The following CHD9 variants were observed in gnomAD, a reference collection of about 807,000 sequenced individuals.
The protein encoded by CHD9 is ATP-dependent chromatin remodeler CHD9.
CHD9 carries 77 observed loss-of-function variants against 316.1 expected under a neutral mutation model. That is an observed-to-expected ratio of 0.24 (90% confidence interval 0.20 to 0.29). The LOEUF is 0.29. CHD9 is among the 10% of genes least tolerant of loss of function. The probability of loss-of-function intolerance (pLI) is 1.00; values close to 1 mark genes in which losing one functional copy is unlikely to be tolerated. For missense variants in CHD9, 2,763 were observed against 3,438.1 expected (o/e 0.80, Z 4.91); for synonymous variants, 1,129 against 1,158.3 (o/e 0.97, Z 0.51).
chr16:53,125,322 C>G (rs957362026), intron 1 of CHD9, among the ~76,000 whole-genome samples: 1 of 144,750 alleles, frequency 6.9e-6, no homozygotes, highest in Non-Finnish European at 1.5e-5. Flanking sequence ...CTCCTGGGTT[C>G]AAGCAATTCC....
rs189369451 is a variant in CHD9, at chr16:53,281,498, A to G, written c.4968-4098A>G. Among the ~76,000 whole-genome samples, 424 of 152,110 alleles carry G rather than the reference A, an allele frequency of 2.8e-3. 7 individuals carry two copies. The highest frequency in any genetic ancestry group is 1.2e-3 in the Non-Finnish European group (82 of 67,990). On this transcript the variant is annotated intron_variant, in intron 24 of 38. Coordinates refer to ENST00000447540, the MANE Select transcript of CHD9 (RefSeq NM_001308319.2). ...CTCGTAACTGATTCTGTTTTCCTCC[A>G]CTTTTGCCTCTCTAGGCCTGTCCTT...
chr16:53,176,358 C>T (rs528540471), intron 2 of CHD9, among the ~76,000 whole-genome samples: 2 of 152,318 alleles, frequency 1.3e-5, no homozygotes, highest in South Asian at 4.1e-4. Context: ...TATAAGGACC[C>T]TAGTGATTAC....
chr16:53,150,453 C>T (rs1387744203), intron 1 of CHD9, among the ~76,000 whole-genome samples: 1 of 152,108 alleles, frequency 6.6e-6, no homozygotes, highest in Non-Finnish European at 1.5e-5. Context: ...TGCTTGTTAA[C>T]AGAAATTTAA....
intron 3 of CHD9, among the ~76,000 whole-genome samples, chr16:53,217,912 T>TTC (rs1491517038): frequency 6.9e-6 from 1 of 144,204 alleles, no homozygotes; most frequent in Non-Finnish European, 1.5e-5. Flanking sequence ...GCTTATACTC[T>TTC]TTTCTTTCTT....
intron 29 of CHD9, among the ~76,000 whole-genome samples, chr16:53,296,692 G>A (rs1004999370): frequency 4.0e-5 from 6 of 151,772 alleles, no homozygotes; most frequent in African/African-American, 1.5e-4. Context: ...CGATCCGCCC[G>A]CCTCGGCCTC....
chr16:53,308,898 G>T (rs371366699), intron 34 of CHD9, 44 bp downstream of exon 34: 1 of 1,486,444 alleles, frequency 6.7e-7, no homozygotes, highest in Non-Finnish European at 9.2e-7. Flanking sequence ...AATATTTTCT[G>T]TCATGTCCAA....
intron 1 of CHD9, among the ~76,000 whole-genome samples, chr16:53,068,005 GC>G (rs1347882845): frequency 3.3e-5 from 5 of 152,156 alleles, no homozygotes; most frequent in Admixed American, 6.6e-5. Context: ...TCTGCAGTGA[GC>G]TAAGATTGTG....
chr16:53,174,633 G>A (rs1351791927), intron 2 of CHD9, among the ~76,000 whole-genome samples: 1 of 152,018 alleles, frequency 6.6e-6, no homozygotes, highest in Non-Finnish European at 1.5e-5. Context: ...TTTTAAGACA[G>A]AGCCTCACTC....
chr16:53,321,961 A>G (rs1214709015), intron 38 of CHD9, among the ~76,000 whole-genome samples: 3 of 151,210 alleles, frequency 2.0e-5, no homozygotes, highest in African/African-American at 7.3e-5. Context: ...GTTCATTAAG[A>G]TTCTGGAAAA....
chr16:53,157,428 C>G lies in CHD9; in HGVS notation c.1339C>G (p.Arg447Gly), dbSNP rs776428622. The change falls in exon 2 of 39, where the codon CGG (arginine) becomes GGG (glycine). Residue 447 changes from arginine (R) to glycine (G), a missense_variant. By Grantham distance (125) the Arg-to-Gly change is moderately radical. Transcript: ENST00000447540. ...DRQFTSHLVTRPSDMAQTQLQ... is the reference protein window; with the variant it reads ...DRQFTSHLVTGPSDMAQTQLQ... Reference sequence around the variant, plus strand: ...GCAGTTTACTTCGCATCTGGTAACACGGCCTTCTGATATGGCTCAGACTCA... The same window carrying G: ...GCAGTTTACTTCGCATCTGGTAACAGGGCCTTCTGATATGGCTCAGACTCA... 1.9e-6 allele frequency: 3 copies of G among 1,613,950 alleles called. No individual in the cohort carries two copies. The South Asian group carries it at 3.3e-5, about 18-fold the overall frequency.
At chr16:53,235,871 AT>A (rs369241802) in intron 11 of CHD9, among the ~76,000 whole-genome samples, 29 of 152,328 alleles carry the variant, frequency 1.9e-4, no homozygotes, top group African/African-American at 5.5e-4. Context: ...AAGTAAAAAA[AT>A]GTTACTGCGA....
At chr16:53,062,594 T>G (rs1273022131) in intron 1 of CHD9, among the ~76,000 whole-genome samples, 1 of 151,564 alleles carries the variant, frequency 6.6e-6, no homozygotes, top group Non-Finnish European at 1.5e-5. Context: ...ATTTTAAAAA[T>G]TACCTGGGTG....
chr16:53,259,614 G>A (rs2050911033), intron 19 of CHD9, among the ~76,000 whole-genome samples: 1 of 152,188 alleles, frequency 6.6e-6, no homozygotes, highest in Admixed American at 6.5e-5. Context: ...CTGGGCTCAA[G>A]TGATCCTCCT....
intron 1 of CHD9, among the ~76,000 whole-genome samples, chr16:53,147,112 A>C (rs1005895932): frequency 4.6e-5 from 7 of 152,154 alleles, no homozygotes; most frequent in African/African-American, 1.7e-4. Flanking sequence ...CTTTAAGATA[A>C]TATGTAAACT....
intron 1 of CHD9, among the ~76,000 whole-genome samples, chr16:53,094,260 C>T (rs995938691): frequency 2.0e-5 from 3 of 152,178 alleles, no homozygotes; most frequent in African/African-American, 7.2e-5. Context: ...CCAGCATCCG[C>T]CTAGTCTGGG....
intron 2 of CHD9, among the ~76,000 whole-genome samples, chr16:53,159,768 C>T (rs1041296266): frequency 6.6e-6 from 1 of 152,086 alleles, no homozygotes; most frequent in African/African-American, 2.4e-5. Flanking sequence ...TGCCACTATG[C>T]CCAGCTAATT....
intron 3 of CHD9, among the ~76,000 whole-genome samples, chr16:53,212,736 A>G (rs2046431566): frequency 6.6e-6 from 1 of 152,204 alleles, no homozygotes; most frequent in South Asian, 2.1e-4. Flanking sequence ...CTCTGGAGCC[A>G]GTTGCATTTG....
Position 53,219,357 on chromosome 16 carries a change from A to G in CHD9, c.1785-3287A>G, listed in dbSNP as rs189231069. ...AGAGATTTGAGGATCTTTAACTTCT[A>G]GGTAGTAGTTAAGAAAAGATTAAAT... is the stretch of plus-strand genomic sequence containing the variant. On this transcript the variant is annotated intron_variant, in intron 3 of 38. Transcript: ENST00000447540. 1.7e-3 allele frequency among the ~76,000 whole-genome samples: 253 copies of G among 152,316 alleles called. 3 individuals carry two copies. The highest frequency in any genetic ancestry group is 5.8e-3 in the African/African-American group (240 of 41,576).
chr16:53,258,667 G>C (rs2050811076), intron 19 of CHD9, among the ~76,000 whole-genome samples: 1 of 152,048 alleles, frequency 6.6e-6, no homozygotes, highest in African/African-American at 2.4e-5. Flanking sequence ...TTAATAAGGA[G>C]CTACATATAT....
Sources: gnomAD v4.1 joint callset for allele counts (sites outside exome capture counted in the v4.1 genomes callset) on GRCh38, gnomAD v4.1.1 for gene constraint, MANE v1.5 for transcripts, NCBI Gene and HGNC (gene_info 2026-07-23, HGNC 2026-07-21) for gene names.